The following NAALADL2 variants were observed in gnomAD, a reference collection of about 807,000 sequenced individuals.
The protein encoded by NAALADL2 is inactive N-acetylated-alpha-linked acidic dipeptidase-like protein 2.
Under a neutral mutation model 87.2 loss-of-function variants are expected in NAALADL2, and 76 were observed. The ratio of observed to expected loss-of-function variants is 0.87; its 90% CI spans 0.72 to 1.05. The LOEUF (loss-of-function observed/expected upper bound fraction) is 1.05, where lower values mean the gene tolerates loss of function less well. Ranked by LOEUF, NAALADL2 falls within the 50% of genes least tolerant of loss-of-function variation. The pLI, the probability that NAALADL2 is intolerant of heterozygous loss-of-function variation, is 0.00. For synonymous variants in NAALADL2, 354 were observed against 331.0 expected (o/e 1.07, Z -0.75); for missense variants, 1,089 against 945.8 (o/e 1.15, Z -1.99).
chr3:175,149,354 C>T (rs1731216638), intron 2 of NAALADL2, among the ~76,000 whole-genome samples: 1 of 152,004 alleles, frequency 6.6e-6, no homozygotes, highest in Admixed American at 6.6e-5. Context: ...ATTTCATAAA[C>T]TGAGGCCTAT....
intron 1 of NAALADL2, among the ~76,000 whole-genome samples, chr3:174,497,045 T>G (rs2108360985): frequency 6.6e-6 from 1 of 152,322 alleles, no homozygotes; most frequent in Middle Eastern, 3.4e-3. Context: ...AACCTTTACC[T>G]TTAAATTCCT....
At chr3:175,471,551 T>G in intron 8 of NAALADL2, 88 bp from the exon 9 acceptor site, 1 of 737,840 alleles carries the variant, frequency 1.4e-6, no homozygotes, top group Non-Finnish European at 2.2e-6. Context: ...AAGTATGAAA[T>G]GAAATGTTCA....
chr3:175,525,123 G>C (rs1336621425), intron 9 of NAALADL2, among the ~76,000 whole-genome samples: 2 of 152,052 alleles, frequency 1.3e-5, no homozygotes, highest in African/African-American at 4.8e-5. Context: ...AATGTATATA[G>C]ATAATAGTTT....
At chr3:174,700,475 C>G (rs575259312) in intron 2 of NAALADL2, among the ~76,000 whole-genome samples, 2 of 152,234 alleles carry the variant, frequency 1.3e-5, no homozygotes, top group African/African-American at 4.8e-5. Flanking sequence ...GTATAACGCT[C>G]TCCATGGAAC....
intron 5 of NAALADL2, among the ~76,000 whole-genome samples, chr3:175,436,537 G>A (rs1718703125): frequency 6.8e-6 from 1 of 146,320 alleles, no homozygotes; most frequent in East Asian, 2.2e-4. Context: ...TTTAATGATT[G>A]CCATTCTAAC....
chr3:175,170,977 C>G (rs927977583), intron 2 of NAALADL2, among the ~76,000 whole-genome samples: 8 of 151,940 alleles, frequency 5.3e-5, no homozygotes, highest in East Asian at 1.9e-4. Flanking sequence ...TTAATTTAGA[C>G]TTTTTTCTCA....
chr3:175,020,648 C>CT (rs1299439396), intron 1 of NAALADL2, among the ~76,000 whole-genome samples: 2 of 152,004 alleles, frequency 1.3e-5, no homozygotes, highest in Non-Finnish European at 2.9e-5. Flanking sequence ...TTGTTTTCAG[C>CT]TTTTTTCAAC....
intron 2 of NAALADL2, chr3:174,632,204 C>T (rs535542680): frequency 4.6e-5 from 7 of 152,224 alleles, no homozygotes; most frequent in East Asian, 3.9e-4. Context: ...GTTTCTTCAA[C>T]GAAGTGGATT....
chr3:174,827,816 C>T (rs537225432), intron 3 of NAALADL2, among the ~76,000 whole-genome samples: 235 of 152,228 alleles, frequency 1.5e-3, no homozygotes, highest in African/African-American at 5.4e-3. Flanking sequence ...CCAATTGTAG[C>T]AAACATATTT....
chr3:175,383,185 C>T (rs1355463092), intron 5 of NAALADL2, among the ~76,000 whole-genome samples: 1 of 151,998 alleles, frequency 6.6e-6, no homozygotes, highest in African/African-American at 2.4e-5. Flanking sequence ...TGTTAGGAGG[C>T]TTTCAGTTAC....
intron 2 of NAALADL2, among the ~76,000 whole-genome samples, chr3:174,582,826 C>A (rs1716319064): frequency 6.6e-6 from 1 of 152,176 alleles, no homozygotes; most frequent in African/African-American, 2.4e-5. Flanking sequence ...TCAAGTGATC[C>A]ATCTGCCTTG....
At chr3:175,606,614 A>T (rs1376212517) in intron 10 of NAALADL2, among the ~76,000 whole-genome samples, 1 of 152,190 alleles carries the variant, frequency 6.6e-6, no homozygotes, top group African/African-American at 2.4e-5. Flanking sequence ...CTGGTAGAGC[A>T]ACAGATGTAG....
intron 2 of NAALADL2, among the ~76,000 whole-genome samples, chr3:174,606,208 C>T (rs1231618806): frequency 6.6e-6 from 1 of 152,108 alleles, no homozygotes; most frequent in Non-Finnish European, 1.5e-5. Flanking sequence ...GATAAAACCA[C>T]AAAGATGGGG....
intron 1 of NAALADL2, among the ~76,000 whole-genome samples, chr3:174,877,315 C>T (rs1728632164): frequency 6.6e-6 from 1 of 152,094 alleles, no homozygotes; most frequent in African/African-American, 2.4e-5. Flanking sequence ...GGTTAACAAA[C>T]TTATGAAGCT....
intron 1 of NAALADL2, among the ~76,000 whole-genome samples, chr3:174,990,892 G>A (rs942352338): frequency 1.3e-5 from 2 of 152,096 alleles, no homozygotes; most frequent in African/African-American, 4.8e-5. Context: ...AGTCAGAAGT[G>A]AAAGGCACTC....
chr3:174,444,143 G>A (rs973461366), intron 1 of NAALADL2, among the ~76,000 whole-genome samples: 1 of 152,254 alleles, frequency 6.6e-6, no homozygotes, highest in East Asian at 1.9e-4. Flanking sequence ...AAAAATTGAT[G>A]ATGCAGGAGA....
intron 3 of NAALADL2, among the ~76,000 whole-genome samples, chr3:174,796,208 G>A (rs1157871953): frequency 6.6e-6 from 1 of 152,146 alleles, no homozygotes; most frequent in African/African-American, 2.4e-5. Context: ...CAGGAAAAAA[G>A]CAACAACCTT....
intron 1 of NAALADL2, among the ~76,000 whole-genome samples, chr3:175,025,144 A>C (rs186639171): frequency 3.3e-5 from 5 of 152,276 alleles, no homozygotes; most frequent in Admixed American, 3.3e-4. Context: ...TATTTTTAAA[A>C]ATTGTATTAG....
chr3:175,125,090 T>C lies in NAALADL2; in HGVS notation c.545+27799T>C, dbSNP rs112541982. 3.7e-3 allele frequency among the ~76,000 whole-genome samples: 560 copies of C among 152,132 alleles called. 3 individuals carry two copies. Among genetic ancestry groups the C allele is most frequent in the African/African-American group, 0.013 (539 of 41,528 alleles). ...TGTTCTAGATCTGCATTGTTCAGTA[T>C]AGCAGCCACTAGCCACATGTGGCTA... On this transcript the variant is annotated intron_variant, in intron 2 of 13. Transcript: ENST00000454872.
Sources: gnomAD v4.1 joint callset for allele counts (sites outside exome capture counted in the v4.1 genomes callset) on GRCh38, gnomAD v4.1.1 for gene constraint, MANE v1.5 for transcripts, NCBI Gene and HGNC (gene_info 2026-07-23, HGNC 2026-07-21) for gene names.